The following WASF2 variants were observed in gnomAD, a reference collection of about 807,000 sequenced individuals.
WASF2 encodes WASP family member 2, also known as actin-binding protein WASF2.
In WASF2, 14 loss-of-function variants were observed where a neutral mutation model predicts 45.0. That is an observed-to-expected ratio of 0.31 (90% CI 0.21 to 0.49). The LOEUF is 0.49. Among genes scored for constraint, WASF2 ranks in the 20% least tolerant of loss-of-function variants. The pLI is 0.99. For synonymous variants in WASF2, 200 were observed against 236.3 expected, an observed-to-expected ratio of 0.85 and a Z score of 1.41; for missense variants, 439 against 636.1, an observed-to-expected ratio of 0.69 and a Z score of 3.33.
Position 27,414,739 on chromosome 1 carries a change from T to C in WASF2, c.668+94A>G. 1 of 1,515,876 alleles carries C rather than the reference T, an allele frequency of 6.6e-7. No individual in the cohort carries two copies. Among genetic ancestry groups the C allele is most frequent in the Admixed American group, 2.0e-5 (1 of 49,868 alleles). 93.9% of individuals were successfully genotyped at this position (1,515,876 alleles called of 1,614,324 possible). ...TTGATCTAAGCCACAGAGACAGACTTCAGGGGGTGTGAAAGGTGTCACACC... is the reference window on the plus strand; with the variant it reads ...TTGATCTAAGCCACAGAGACAGACTCCAGGGGGTGTGAAAGGTGTCACACC... On this transcript the variant is annotated intron_variant, in intron 6 of 8. Transcript: ENST00000618852. The surrounding 1 kb of genome is among the most constrained non-coding windows in gnomAD (Gnocchi z 4.1).
Position 27,406,988 on chromosome 1 carries a change from C to T in WASF2, c.*1201G>A, listed in dbSNP as rs2016686436. The T allele has an allele frequency of 6.6e-6, 1 of 152,306 alleles. No individual in the cohort carries two copies. Among genetic ancestry groups the T allele is most frequent in the Admixed American group, 6.5e-5 (1 of 15,282 alleles). The allele number at this position is 152,306 out of a possible 1,614,324, so 9.4% of individuals were successfully genotyped here. On this transcript the variant is annotated 3_prime_UTR_variant, in exon 9 of 9. Transcript: ENST00000618852. ...TTCCTTCTCTCACTACTTCTGGTCC[C>T]CCAGAGAGGCTGGTCCCAAGGCTAT...
intron 1 of WASF2, among the ~76,000 whole-genome samples, chr1:27,485,145 G>C (rs905029925): frequency 2.6e-5 from 4 of 151,664 alleles, no homozygotes; most frequent in Non-Finnish European, 5.9e-5. Flanking sequence ...AGCGAAACTT[G>C]GTCTCAAAAA....
Position 27,414,161 on chromosome 1 carries a change from T to G in WASF2, c.668+672A>C, listed in dbSNP as rs2016798678. On this transcript the variant is annotated intron_variant, in intron 6 of 8. Coordinates refer to ENST00000618852, the MANE Select transcript of WASF2 (RefSeq NM_006990.5). The surrounding 1 kb of genome is among the most constrained non-coding windows in gnomAD (Gnocchi z 4.1). ...AGTCATGGTGACTTGGCTTTGAATGTCAACCAGGTCAGACACCAGGATAAG... is the reference window on the plus strand; with the variant it reads ...AGTCATGGTGACTTGGCTTTGAATGGCAACCAGGTCAGACACCAGGATAAG... Among the ~76,000 whole-genome samples, 1 of 152,212 alleles carries G rather than the reference T, an allele frequency of 6.6e-6. No homozygotes were observed. The highest frequency in any genetic ancestry group is 1.5e-5 in the Non-Finnish European group (1 of 68,036).
chr1:27,438,465 T>C (rs1429134131), intron 1 of WASF2, among the ~76,000 whole-genome samples: 1 of 152,256 alleles, frequency 6.6e-6, no homozygotes, highest in Non-Finnish European at 1.5e-5. Context: ...ATTGTTATGA[T>C]GCCTTACTTC....
intron 1 of WASF2, among the ~76,000 whole-genome samples, chr1:27,452,265 A>T (rs905724951): frequency 2.6e-5 from 4 of 152,244 alleles, no homozygotes; most frequent in African/African-American, 7.2e-5. Flanking sequence ...CTGTAATCCC[A>T]ACACTTTGGG....
rs1300374920 is a variant in WASF2 at position 27,418,376 on chromosome 1, G to A, written c.312C>T (p.Thr104=). ...TGTCAAAAAGCTTCTGGTCTTGAAT[G>A]GTGGAACTTCTGAAGGCTTTTCGGG... The part of the protein sequence containing the change: ...INTRKAFRSS[T]IQDQKLFDRN... The change falls in exon 4 of 9, where the codon ACC becomes ACT. Residue 104 remains threonine, a synonymous_variant. Transcript: ENST00000618852. 3 of 1,614,250 alleles carry A rather than the reference G, an allele frequency of 1.9e-6. No individual in the cohort carries two copies. The highest frequency in any genetic ancestry group is 2.7e-5 in the African/African-American group (2 of 75,066).
chr1:27,410,026 T>G lies in WASF2; in HGVS notation c.1005A>C (p.Pro335=), dbSNP rs748305218. ...GAGACCCAAATCCTACAGGCGGTGG[T>G]GGAGGTGGGATGCCTATCATTGGAG... ...PPPPMIGIPP[P]PPPVGFGSPG... The change falls in exon 8 of 9, where the codon CCA becomes CCC. Residue 335 remains proline, a synonymous_variant. Transcript: ENST00000618852. The surrounding 1 kb of genome is among the most constrained non-coding windows in gnomAD (Gnocchi z 4.2). 1 of 1,611,974 alleles carries G rather than the reference T, an allele frequency of 6.2e-7. No homozygotes were observed. The highest frequency in any genetic ancestry group is 8.5e-7 in the Non-Finnish European group (1 of 1,179,268).
At chr1:27,408,411 G>A in intron 8 of WASF2, 65 bp from the exon 9 acceptor site, 1 of 1,590,910 alleles carries the variant, frequency 6.3e-7, no homozygotes, top group Non-Finnish European at 8.6e-7. Context: ...ATCTGGAACT[G>A]GGTAAGAGGG....
chr1:27,459,047 A>G (rs1351019275), intron 1 of WASF2, among the ~76,000 whole-genome samples: 1 of 151,904 alleles, frequency 6.6e-6, no homozygotes, highest in Non-Finnish European at 1.5e-5. Flanking sequence ...AATCACTTCA[A>G]CCCAGGAAGC....
In WASF2 at chr1:27,470,517, G is replaced by A. The variant is rs536294198; in HGVS notation, c.-44+19469C>T. Among the ~76,000 whole-genome samples the A allele has an allele frequency of 5.3e-5, 8 of 152,258 alleles. No homozygotes were observed. In the East Asian group the frequency reaches 1.5e-3, roughly 29 times the overall value. The stretch of plus-strand genomic sequence containing the variant: ...AACAGTAACTAAGATTTTACAACTG[G>A]ATGAACTGGGAGAATGGTGGGGCCA... On this transcript the variant is annotated intron_variant, in intron 1 of 8. Transcript: ENST00000618852.
rs188980735 is a variant in WASF2 at position 27,440,339 on chromosome 1, T to C, written c.-43-11406A>G. 1.3e-4 allele frequency among the ~76,000 whole-genome samples: 20 copies of C among 152,224 alleles called. No individual in the cohort carries two copies. The East Asian group carries it at 3.9e-3, about 29-fold the overall frequency. ...ACGCTTTTTAGACCAGTCTAGGCAA[T>C]GTGGAGAAATCCCGTCTACAAAAAA... On this transcript the variant is annotated intron_variant, in intron 1 of 8. Coordinates refer to ENST00000618852, the MANE Select transcript of WASF2 (RefSeq NM_006990.5).
Position 27,415,059 on chromosome 1 carries a change from ATCT to A in WASF2, c.538-99_538-97del, listed in dbSNP as rs2016809759. 1.4e-5 allele frequency: 20 copies of A among 1,463,290 alleles called. No homozygotes were observed. In the South Asian group the frequency reaches 2.2e-4, roughly 16 times the overall value. The allele number at this position is 1,463,290 out of a possible 1,614,324, so 90.6% of individuals were successfully genotyped here. On this transcript the variant is annotated intron_variant, in intron 5 of 8. Coordinates refer to ENST00000618852, the MANE Select transcript of WASF2 (RefSeq NM_006990.5). Reference sequence around the variant, plus strand: ...TTCATGGATGCGTATCTAAGAGATAATCTGCCTAGACAACATACAATAACTACA... The same window carrying A: ...TTCATGGATGCGTATCTAAGAGATAAGCCTAGACAACATACAATAACTACA...
At chr1:27,427,310 G>A (rs1216205006) in intron 2 of WASF2, among the ~76,000 whole-genome samples, 1 of 152,200 alleles carries the variant, frequency 6.6e-6, no homozygotes, top group Non-Finnish European at 1.5e-5. Flanking sequence ...ATAGCTGAGA[G>A]AGAGCGTAAC....
chr1:27,487,044 CATATATT>C (rs2017938283), intron 1 of WASF2, among the ~76,000 whole-genome samples: 1 of 139,306 alleles, frequency 7.2e-6, no homozygotes, highest in Non-Finnish European at 1.5e-5. Context: ...TAATCTGTTA[CATATATT>C]ATATATAACA....
At chr1:27,432,647 CAAAAAAAA>C (rs558826790) in intron 1 of WASF2, among the ~76,000 whole-genome samples, 11 of 51,390 alleles carry the variant, frequency 2.1e-4, no homozygotes, top group African/African-American at 2.7e-4. Context: ...AACTCTGTCT[CAAAAAAAA>C]AAAAAAAAAA....
In WASF2 at chr1:27,477,212, G is replaced by C. The variant is rs1571164724; in HGVS notation, c.-44+12774C>G. On this transcript the variant is annotated intron_variant, in intron 1 of 8. Coordinates refer to ENST00000618852, the MANE Select transcript of WASF2 (RefSeq NM_006990.5). ...ATATCACAGAAGACCAAAGGGACCA[G>C]AGGGGCTTCTATATGAGTACAGATT... 2.6e-5 allele frequency among the ~76,000 whole-genome samples: 4 copies of C among 152,214 alleles called. No homozygotes were observed. In the South Asian group the frequency reaches 6.2e-4, roughly 24 times the overall value.
intron 1 of WASF2, among the ~76,000 whole-genome samples, chr1:27,453,478 G>T (rs1433783605): frequency 2.0e-5 from 3 of 151,498 alleles, no homozygotes; most frequent in Admixed American, 6.6e-5. Flanking sequence ...TGTAATCCCA[G>T]CTACTCAGGA....
At chr1:27,423,176 C>A (rs1476352036) in intron 2 of WASF2, among the ~76,000 whole-genome samples, 1 of 150,602 alleles carries the variant, frequency 6.6e-6, no homozygotes, top group African/African-American at 2.4e-5. Flanking sequence ...ATTCTAAATA[C>A]CCTAAGTTTT....
chr1:27,417,883 G>A (rs549274039), intron 4 of WASF2, among the ~76,000 whole-genome samples: 1 of 144,100 alleles, frequency 6.9e-6, no homozygotes, highest in Non-Finnish European at 1.5e-5. Flanking sequence ...AAGTAAGTGG[G>A]AGCCTTGCTA....
Sources: gnomAD v4.1 joint callset for allele counts (sites outside exome capture counted in the v4.1 genomes callset) on GRCh38, gnomAD v4.1.1 for gene constraint, Gnocchi (gnomAD v3.1) non-coding constraint, MANE v1.5 for transcripts, NCBI Gene and HGNC (gene_info 2026-07-23, HGNC 2026-07-21) for gene names.